Variants in BBOX1 observed in about 807,000 individuals in gnomAD.
BBOX1 encodes the protein gamma-butyrobetaine hydroxylase 1.
BBOX1 carries 35 observed loss-of-function variants against 41.6 expected under a neutral mutation model. That is an observed-to-expected ratio of 0.84 (90% CI 0.64 to 1.11). The LOEUF is 1.11. BBOX1 is among the 50% of genes most tolerant of loss of function. BBOX1 has a pLI of 0.00. For missense variants in BBOX1, 458 were observed against 460.6 expected, an observed-to-expected ratio of 0.99 and a Z score of 0.05; for synonymous variants, 163 against 154.7, an observed-to-expected ratio of 1.05 and a Z score of -0.40.
At chr11:27,051,797 T>C (rs1943464149) in intron 2 of BBOX1, among the ~76,000 whole-genome samples, 1 of 152,032 alleles carries the variant, frequency 6.6e-6, no homozygotes, top group African/African-American at 2.4e-5. Flanking sequence ...ATTTCTGCTC[T>C]AATCTTTATT....
chr11:27,126,835 T>C (rs928464423), intron 8 of BBOX1, among the ~76,000 whole-genome samples: 1 of 151,986 alleles, frequency 6.6e-6, no homozygotes, highest in East Asian at 1.9e-4. Context: ...CCACCACGCC[T>C]GGCTAATTTT....
At chr11:27,117,898 T>C (rs902423434) in intron 6 of BBOX1, among the ~76,000 whole-genome samples, 12 of 151,980 alleles carry the variant, frequency 7.9e-5, no homozygotes, top group Admixed American at 6.6e-5. Context: ...CGAGATTCAA[T>C]ATTTTTATAG....
chr11:27,108,114 G>A (rs1480333001), intron 5 of BBOX1, among the ~76,000 whole-genome samples: 5 of 152,060 alleles, frequency 3.3e-5, no homozygotes. Flanking sequence ...GCTAATAAAT[G>A]TTTTATTATT....
chr11:27,077,566 G>A (rs75082706), intron 4 of BBOX1, among the ~76,000 whole-genome samples: 11,864 of 146,250 alleles, frequency 0.081, 1,372 homozygotes, highest in African/African-American at 0.25. Flanking sequence ...ACACTATTTC[G>A]TCTTTCCAAA....
At chr11:27,100,101 C>A (rs1476709279) in intron 5 of BBOX1, among the ~76,000 whole-genome samples, 2 of 152,050 alleles carry the variant, frequency 1.3e-5, no homozygotes, top group African/African-American at 2.4e-5. Context: ...AGCCCAGCAG[C>A]ATTTCACACA....
chr11:27,118,308 G>A (rs1032033853), intron 6 of BBOX1, among the ~76,000 whole-genome samples: 1 of 152,024 alleles, frequency 6.6e-6, no homozygotes, highest in Non-Finnish European at 1.5e-5. Context: ...ATAATAAAAT[G>A]TAGGCAACCT....
intron 5 of BBOX1, among the ~76,000 whole-genome samples, chr11:27,114,964 A>G (rs1859203887): frequency 6.6e-6 from 1 of 151,788 alleles, no homozygotes; most frequent in East Asian, 1.9e-4. Flanking sequence ...GGTCTTGGAG[A>G]AGGGTAGAAT....
intron 2 of BBOX1, among the ~76,000 whole-genome samples, chr11:27,053,322 T>C (rs376360015): frequency 1.3e-5 from 2 of 152,188 alleles, no homozygotes; most frequent in Admixed American, 1.3e-4. Flanking sequence ...AAGCATAAAC[T>C]TAGATAACTT....
At chr11:27,070,065 G>A (rs930427590) in intron 4 of BBOX1, among the ~76,000 whole-genome samples, 1 of 152,006 alleles carries the variant, frequency 6.6e-6, no homozygotes, top group Non-Finnish European at 1.5e-5. Context: ...CCATGGGTTT[G>A]TATTGTTTTC....
intron 7 of BBOX1, among the ~76,000 whole-genome samples, chr11:27,121,210 G>A (rs1422386644): frequency 2.6e-5 from 4 of 152,038 alleles, no homozygotes; most frequent in Admixed American, 6.6e-5. Flanking sequence ...GGGTCCTAAG[G>A]ACATGTCTGG....
At chr11:27,122,089 G>A (rs928070492) in intron 7 of BBOX1, among the ~76,000 whole-genome samples, 2 of 152,170 alleles carry the variant, frequency 1.3e-5, no homozygotes, top group African/African-American at 4.8e-5. Flanking sequence ...CATCTCCTAA[G>A]TGTTTGGGTT....
intron 5 of BBOX1, among the ~76,000 whole-genome samples, chr11:27,102,726 T>G (rs1393615228): frequency 6.6e-6 from 1 of 152,110 alleles, no homozygotes; most frequent in Non-Finnish European, 1.5e-5. Flanking sequence ...CTCTCGTAAA[T>G]TCCTAAGGAA....
chr11:27,090,888 C>T (rs967456430), intron 4 of BBOX1, among the ~76,000 whole-genome samples: 1 of 151,924 alleles, frequency 6.6e-6, no homozygotes, highest in African/African-American at 2.4e-5. Flanking sequence ...CTCTTCCCTA[C>T]TTGCACGTCC....
chr11:27,106,677 A>G (rs1032581401), intron 5 of BBOX1, among the ~76,000 whole-genome samples: 2 of 152,138 alleles, frequency 1.3e-5, no homozygotes, highest in African/African-American at 4.8e-5. Context: ...AGACAGATCA[A>G]TGAGACAGAA....
At chr11:27,094,984 C>T (rs868405894) in intron 5 of BBOX1, among the ~76,000 whole-genome samples, 55 of 151,904 alleles carry the variant, frequency 3.6e-4, no homozygotes, top group African/African-American at 1.3e-3. Context: ...CAACAACTTT[C>T]TGAAATAAAT....
intron 4 of BBOX1, among the ~76,000 whole-genome samples, chr11:27,066,074 G>A (rs1857270867): frequency 6.6e-6 from 1 of 152,038 alleles, no homozygotes; most frequent in Admixed American, 6.6e-5. Context: ...TTTTGCTCTT[G>A]GAAAAATAAT....
At chr11:27,101,022 G>A (rs189332390) in intron 5 of BBOX1, among the ~76,000 whole-genome samples, 36 of 152,118 alleles carry the variant, frequency 2.4e-4, no homozygotes, top group African/African-American at 7.9e-4. Flanking sequence ...TCACAATTCT[G>A]AGAAGAATCA....
In BBOX1 at chr11:27,127,393, C is replaced by T; in HGVS notation, c.1104C>T (p.Asp368=). 1 of 1,614,094 alleles carries T rather than the reference C, an allele frequency of 6.2e-7. No homozygotes were observed. Among genetic ancestry groups the T allele is most frequent in the South Asian group, 1.1e-5 (1 of 91,064 alleles). ...ISRHLEGAYA[D]WDVVMSRLRI... ...GCCATCTAGAAGGAGCTTATGCTGA[C>T]TGGGATGTGGTCATGTCAAGGCTTC... is the stretch of plus-strand genomic sequence containing the variant. Residue 368 remains aspartate (D), a synonymous_variant, in exon 9 of 9, where the codon GAC becomes GAT. Coordinates refer to ENST00000263182, the MANE Select transcript of BBOX1 (RefSeq NM_003986.3).
At chr11:27,054,232 T>TGTGTGTGTGC (rs1383541326) in intron 2 of BBOX1, among the ~76,000 whole-genome samples, 2 of 150,688 alleles carry the variant, frequency 1.3e-5, no homozygotes, top group African/African-American at 4.9e-5. Flanking sequence ...TGTGTGTGTG[T>TGTGTGTGTGC]GTGCGTGCAC....
Sources: allele counts gnomAD v4.1 joint callset (sites outside exome capture counted in the v4.1 genomes callset), GRCh38; gene constraint gnomAD v4.1.1; transcripts MANE v1.5; gene names NCBI Gene and HGNC (gene_info 2026-07-23, HGNC 2026-07-21).